Variants in CPLX4 observed in about 807,000 individuals in gnomAD.
CPLX4 encodes the protein complexin-4.
In CPLX4, 17 loss-of-function variants were observed where a neutral mutation model predicts 16.1. The ratio of observed to expected loss-of-function variants is 1.06; its 90% CI spans 0.72 to 1.59. CPLX4 has a LOEUF of 1.59. Ranked by LOEUF, CPLX4 falls within the 40% of genes most tolerant of loss-of-function variation. The probability of loss-of-function intolerance (pLI) is 0.00; values close to 1 mark genes in which losing one functional copy is unlikely to be tolerated. For missense variants in CPLX4, 193 were observed against 192.9 expected (o/e 1.00, Z 0.00); for synonymous variants, 55 against 57.8 (o/e 0.95, Z 0.22).
In CPLX4 at chr18:59,312,859, C is replaced by T. The variant is rs146447477; in HGVS notation, c.168-87G>A. On this transcript the variant is annotated intron_variant, in intron 1 of 2. Transcript: ENST00000299721. ...CTCAGAGGAGCCAGACACAGGGTTA[C>T]ACCTTCTGAGATGCCACTGCTGGCA... 3,433 of 691,656 alleles carry T rather than the reference C, an allele frequency of 5.0e-3. 84 individuals are homozygous for T. In the African/African-American group the frequency reaches 0.052, roughly 11 times the overall value. The allele number at this position is 691,656 out of a possible 1,614,324, so 42.8% of individuals were successfully genotyped here.
chr18:59,308,803 C>G (rs1166304825), intron 2 of CPLX4, among the ~76,000 whole-genome samples: 1 of 152,226 alleles, frequency 6.6e-6, no homozygotes, highest in Non-Finnish European at 1.5e-5. Flanking sequence ...ACGTGTCTGT[C>G]CCCCGCAGCC....
intron 2 of CPLX4, among the ~76,000 whole-genome samples, chr18:59,307,517 T>C (rs1307126849): frequency 1.3e-5 from 2 of 152,196 alleles, no homozygotes; most frequent in East Asian, 3.9e-4. Flanking sequence ...CAGCAGTTCC[T>C]TTGGTTCAGC....
At chr18:59,307,481 T>G (rs1439158005) in intron 2 of CPLX4, among the ~76,000 whole-genome samples, 1 of 152,200 alleles carries the variant, frequency 6.6e-6, no homozygotes, top group Non-Finnish European at 1.5e-5. Flanking sequence ...GACTTGGGAA[T>G]CTGTTGCTCT....
At chr18:59,300,495 C>T (rs2070533440) in intron 2 of CPLX4, among the ~76,000 whole-genome samples, 1 of 152,034 alleles carries the variant, frequency 6.6e-6, no homozygotes, top group South Asian at 2.1e-4. Context: ...CTTTATAATT[C>T]CATTGGGGCA....
intron 2 of CPLX4, among the ~76,000 whole-genome samples, chr18:59,311,871 C>T (rs555180814): frequency 6.6e-6 from 1 of 152,330 alleles, no homozygotes; most frequent in East Asian, 1.9e-4. Context: ...CACTCGACCA[C>T]AGCCTACAGC....
At position 59,296,409 on chromosome 18, in the gene CPLX4, C is replaced by T; in HGVS notation, c.*289G>A. On this transcript the variant is annotated 3_prime_UTR_variant, in exon 3 of 3. Coordinates refer to ENST00000299721, the MANE Select transcript of CPLX4 (RefSeq NM_181654.4). Reference sequence around the variant, plus strand: ...GCCCCTTGCTTTTGTTTCTTCCTGGCTCATCTCAAGGTCTTTAAGCAGATA... The same window carrying T: ...GCCCCTTGCTTTTGTTTCTTCCTGGTTCATCTCAAGGTCTTTAAGCAGATA... 2 of 402,730 alleles carry T rather than the reference C, an allele frequency of 5.0e-6. No individual in the cohort carries two copies. The allele number at this position is 402,730 out of a possible 1,614,324, so 24.9% of individuals were successfully genotyped here.
intron 2 of CPLX4, among the ~76,000 whole-genome samples, chr18:59,305,511 C>T (rs1012418672): frequency 7.2e-5 from 11 of 152,174 alleles, no homozygotes; most frequent in South Asian, 2.1e-4. Flanking sequence ...ATTTACTGGA[C>T]GTGCAGCTGG....
intron 2 of CPLX4, among the ~76,000 whole-genome samples, chr18:59,305,213 C>A (rs73960765): frequency 0.029 from 4,333 of 151,948 alleles, 170 homozygotes; most frequent in African/African-American, 0.088. Context: ...AAAGCAAAGG[C>A]CACAGGGAGC....
chr18:59,303,297 G>A (rs917254961), intron 2 of CPLX4, among the ~76,000 whole-genome samples: 1 of 152,176 alleles, frequency 6.6e-6, no homozygotes, highest in Admixed American at 6.5e-5. Flanking sequence ...CAGTTTGATT[G>A]AAAGTGTGCA....
At chr18:59,307,499 T>G (rs769293534) in intron 2 of CPLX4, among the ~76,000 whole-genome samples, 12 of 152,188 alleles carry the variant, frequency 7.9e-5, no homozygotes, top group Non-Finnish European at 1.6e-4. Flanking sequence ...TCTGTTTCCC[T>G]CCGAATACAG....
intron 1 of CPLX4, among the ~76,000 whole-genome samples, chr18:59,317,159 C>T (rs976556577): frequency 2.0e-5 from 3 of 152,102 alleles, no homozygotes; most frequent in African/African-American, 7.2e-5. Flanking sequence ...TTCCACTAAA[C>T]GTAGTCTTTG....
chr18:59,309,829 AAAAAAAAAAAAAAG>A (rs373719657), intron 2 of CPLX4, among the ~76,000 whole-genome samples: 7,923 of 126,060 alleles, frequency 0.063, 270 homozygotes, highest in Middle Eastern at 0.15. Context: ...TGTCAAAAAA[AAAAAAAAAAAAAAG>A]AAAAAGAAAA....
intron 2 of CPLX4, among the ~76,000 whole-genome samples, chr18:59,300,546 A>G (rs931957682): frequency 6.6e-6 from 1 of 152,020 alleles, no homozygotes; most frequent in Non-Finnish European, 1.5e-5. Flanking sequence ...TAGTTCTACC[A>G]CTTATAGGAT....
chr18:59,313,513 G>A (rs2070631912), intron 1 of CPLX4, among the ~76,000 whole-genome samples: 1 of 152,230 alleles, frequency 6.6e-6, no homozygotes, highest in Non-Finnish European at 1.5e-5. Flanking sequence ...CTTTGGGAAT[G>A]TCTGCAAGGC....
Position 59,296,532 on chromosome 18 carries a change from G to T in CPLX4, c.*166C>A. The stretch of plus-strand genomic sequence containing the variant: ...TCCCGCTGCAAGGTGTTAGCTAAAT[G>T]CTCTGCCAGGAATATTTAGAACAAC... On this transcript the variant is annotated 3_prime_UTR_variant, in exon 3 of 3. Transcript: ENST00000299721. The T allele has an allele frequency of 1.4e-6, 1 of 710,148 alleles. No homozygotes were observed. Among genetic ancestry groups the T allele is most frequent in the East Asian group, 2.7e-5 (1 of 36,414 alleles). 44.0% of individuals were successfully genotyped at this position (710,148 alleles called of 1,614,324 possible).
At chr18:59,315,047 G>T (rs923166254) in intron 1 of CPLX4, among the ~76,000 whole-genome samples, 1 of 151,762 alleles carries the variant, frequency 6.6e-6, no homozygotes, top group African/African-American at 2.4e-5. Context: ...GAATTTGCTG[G>T]GTTCTACGGT....
intron 2 of CPLX4, among the ~76,000 whole-genome samples, chr18:59,306,895 A>G (rs779793934): frequency 3.2e-4 from 49 of 152,200 alleles, no homozygotes; most frequent in Non-Finnish European, 5.3e-4. Context: ...AATTCGTCCA[A>G]TTCCCTGTGG....
intron 2 of CPLX4, among the ~76,000 whole-genome samples, chr18:59,303,272 A>C (rs978640309): frequency 5.9e-5 from 9 of 152,212 alleles, no homozygotes; most frequent in African/African-American, 1.4e-4. Flanking sequence ...TTCTTGAAGA[A>C]TAGGCATCAG....
intron 2 of CPLX4, among the ~76,000 whole-genome samples, chr18:59,303,954 T>C (rs1250736872): frequency 1.3e-5 from 2 of 152,192 alleles, no homozygotes. Flanking sequence ...GCAGGAGGTT[T>C]CGGTGTCTCA....
Sources: allele counts gnomAD v4.1 joint callset (sites outside exome capture counted in the v4.1 genomes callset), GRCh38; gene constraint gnomAD v4.1.1; transcripts MANE v1.5; gene names NCBI Gene and HGNC (gene_info 2026-07-23, HGNC 2026-07-21).